THSD7B: variants seen among roughly 807,000 people sequenced by gnomAD.
THSD7B encodes thrombospondin type-1 domain-containing protein 7B.
THSD7B carries 138 observed loss-of-function variants against 213.6 expected under a neutral mutation model. The observed-to-expected ratio is 0.65, with a 90% CI of 0.56 to 0.74. The LOEUF (loss-of-function observed/expected upper bound fraction) is 0.74, where lower values mean the gene tolerates loss of function less well. THSD7B is among the 30% of genes least tolerant of loss of function. The probability of loss-of-function intolerance (pLI) is 0.00; values close to 1 mark genes in which losing one functional copy is unlikely to be tolerated. For missense variants in THSD7B, 1,931 were observed against 1,991.5 expected (o/e 0.97, Z 0.58); for synonymous variants, 742 against 687.0 (o/e 1.08, Z -1.25).
At chr2:137,201,162 T>C (rs566008405) in intron 7 of THSD7B, among the ~76,000 whole-genome samples, 1 of 152,332 alleles carries the variant, frequency 6.6e-6, no homozygotes, top group Admixed American at 6.5e-5. Context: ...GATTGATTGA[T>C]TGATTCCATT....
At chr2:137,299,835 T>G (rs1683558247) in intron 12 of THSD7B, among the ~76,000 whole-genome samples, 1 of 152,174 alleles carries the variant, frequency 6.6e-6, no homozygotes, top group Non-Finnish European at 1.5e-5. Flanking sequence ...TACCAGTGAA[T>G]GATAGATATG....
intron 15 of THSD7B, among the ~76,000 whole-genome samples, chr2:137,559,294 C>T (rs1307100207): frequency 4.6e-5 from 7 of 152,100 alleles, no homozygotes; most frequent in South Asian, 2.1e-4. Flanking sequence ...GGAGGCATCA[C>T]GCTACCTGAC....
chr2:137,111,908 T>G (rs1190134874), intron 4 of THSD7B, among the ~76,000 whole-genome samples: 2 of 152,176 alleles, frequency 1.3e-5, no homozygotes, highest in Non-Finnish European at 1.5e-5. Context: ...CCACATTCCC[T>G]TTTAACCAAG....
intron 2 of THSD7B, among the ~76,000 whole-genome samples, chr2:137,046,508 T>C (rs923446829): frequency 6.6e-6 from 1 of 151,998 alleles, no homozygotes; most frequent in Non-Finnish European, 1.5e-5. Context: ...GGTGGGCAGA[T>C]CGCCTGAGGT....
At chr2:136,984,008 A>G (rs922453792) in intron 2 of THSD7B, among the ~76,000 whole-genome samples, 8 of 152,238 alleles carry the variant, frequency 5.3e-5, no homozygotes, top group African/African-American at 1.7e-4. Context: ...CTTTTAAGAT[A>G]GTAACTCTCA....
intron 14 of THSD7B, among the ~76,000 whole-genome samples, chr2:137,433,524 T>C (rs1225523158): frequency 6.6e-6 from 1 of 151,948 alleles, no homozygotes; most frequent in Non-Finnish European, 1.5e-5. Flanking sequence ...TGGCTAATTT[T>C]TGTATATTTT....
intron 5 of THSD7B, among the ~76,000 whole-genome samples, chr2:137,154,490 C>T (rs1000392730): frequency 1.3e-5 from 2 of 152,078 alleles, no homozygotes; most frequent in Admixed American, 1.3e-4. Flanking sequence ...AAGAGGGATA[C>T]ATGGTTATTA....
chr2:137,169,084 T>C (rs1233415996), intron 6 of THSD7B, among the ~76,000 whole-genome samples: 2 of 151,134 alleles, frequency 1.3e-5, no homozygotes, highest in Admixed American at 6.6e-5. Context: ...AGCCTCTGAC[T>C]GGCTGAATGA....
intron 10 of THSD7B, among the ~76,000 whole-genome samples, chr2:137,253,558 T>A (rs1682235403): frequency 6.6e-6 from 1 of 152,202 alleles, no homozygotes; most frequent in South Asian, 2.1e-4. Flanking sequence ...TCTGGCTGGT[T>A]TCATTCTCAT....
chr2:137,615,569 TC>T (rs2104837431), intron 17 of THSD7B, among the ~76,000 whole-genome samples: 1 of 152,332 alleles, frequency 6.6e-6, no homozygotes, highest in Admixed American at 6.5e-5. Flanking sequence ...TTGCAGGATA[TC>T]TTTGGAGTTC....
chr2:137,225,453 G>A (rs1301292642), intron 7 of THSD7B, among the ~76,000 whole-genome samples: 1 of 152,154 alleles, frequency 6.6e-6, no homozygotes, highest in Non-Finnish European at 1.5e-5. Flanking sequence ...ATATATGTGA[G>A]ATATGAACCA....
rs1223073679 is a variant in THSD7B at position 137,094,975 on chromosome 2, A to G, written c.1053A>G (p.Thr351=). The change falls in exon 4 of 28, where the codon ACA becomes ACG. Residue 351 remains threonine (T), a synonymous_variant. Coordinates refer to ENST00000409968, the MANE Select transcript of THSD7B (RefSeq NM_001316349.2). ...QWSSWSPCSK[T]CRSGSLLPGF... is the part of the protein sequence containing the mutation. Reference sequence around the variant, plus strand: ...CCTCCTGGAGCCCCTGCTCCAAGACATGCCGTTCAGGGAGTCTCTTGCCAG... The same window carrying G: ...CCTCCTGGAGCCCCTGCTCCAAGACGTGCCGTTCAGGGAGTCTCTTGCCAG... 2 of 1,613,902 alleles carry G rather than the reference A, an allele frequency of 1.2e-6. No individual in the cohort carries two copies. Among genetic ancestry groups the G allele is most frequent in the Middle Eastern group, 1.6e-4 (1 of 6,062 alleles).
At chr2:137,241,198 C>T (rs1266318350) in intron 9 of THSD7B, among the ~76,000 whole-genome samples, 1 of 152,184 alleles carries the variant, frequency 6.6e-6, no homozygotes, top group Non-Finnish European at 1.5e-5. Flanking sequence ...CTATCCAATA[C>T]AGAGCTCACA....
At chr2:137,248,832 T>C (rs1682101968) in intron 10 of THSD7B, among the ~76,000 whole-genome samples, 1 of 152,214 alleles carries the variant, frequency 6.6e-6, no homozygotes, top group Admixed American at 6.5e-5. Context: ...GTTACCTAAA[T>C]CTTTTTTGTT....
At chr2:136,824,935 A>G (rs1682620434) in intron 1 of THSD7B, among the ~76,000 whole-genome samples, 1 of 152,206 alleles carries the variant, frequency 6.6e-6, no homozygotes, top group African/African-American at 2.4e-5. Flanking sequence ...CTTGTTTTGT[A>G]TTATGATCAA....
chr2:136,830,000 G>A (rs1186283949), intron 1 of THSD7B, among the ~76,000 whole-genome samples: 1 of 151,986 alleles, frequency 6.6e-6, no homozygotes, highest in Non-Finnish European at 1.5e-5. Flanking sequence ...CTGTAACTGC[G>A]AATGGTAGTG....
rs146459451 is a variant in THSD7B at position 137,141,994 on chromosome 2, A to G, written c.1370-18219A>G. Among the ~76,000 whole-genome samples, 277 of 152,310 alleles carry G rather than the reference A, an allele frequency of 1.8e-3. 3 individuals carry two copies. The highest frequency in any genetic ancestry group is 5.6e-3 in the African/African-American group (232 of 41,578). ...ACTTCCCACATATAGTTGTTTTTAC[A>G]TATGACACTCGATACTTTGATAAAC... On this transcript the variant is annotated intron_variant, in intron 5 of 27. Coordinates refer to ENST00000409968, the MANE Select transcript of THSD7B (RefSeq NM_001316349.2).
chr2:137,407,557 C>A (rs1488769437), intron 13 of THSD7B, among the ~76,000 whole-genome samples: 1 of 152,032 alleles, frequency 6.6e-6, no homozygotes, highest in Non-Finnish European at 1.5e-5. Flanking sequence ...GAAACTAATG[C>A]TTGTATTTTG....
intron 5 of THSD7B, among the ~76,000 whole-genome samples, chr2:137,130,741 G>T (rs913063446): frequency 4.1e-5 from 6 of 146,064 alleles, no homozygotes; most frequent in African/African-American, 1.5e-4. Flanking sequence ...GTATTCCATG[G>T]TGTATATGTG....
Sources: allele counts gnomAD v4.1 joint callset (sites outside exome capture counted in the v4.1 genomes callset), GRCh38; gene constraint gnomAD v4.1.1; transcripts MANE v1.5; gene names NCBI Gene and HGNC (gene_info 2026-07-23, HGNC 2026-07-21).